PTPRC: variants seen among roughly 807,000 people sequenced by gnomAD.
The protein encoded by PTPRC is protein tyrosine phosphatase receptor type C, also known as receptor-type tyrosine-protein phosphatase C.
PTPRC carries 44 observed loss-of-function variants against 155.9 expected under a neutral mutation model. The ratio of observed to expected loss-of-function variants is 0.28; its 90% CI spans 0.22 to 0.36. PTPRC has a LOEUF of 0.36. Ranked by LOEUF, PTPRC falls within the 10% of genes least tolerant of loss-of-function variation. The pLI is 1.00. For synonymous variants in PTPRC, 525 were observed against 533.1 expected, an observed-to-expected ratio of 0.98 and a Z score of 0.21; for missense variants, 1,401 against 1,564.6, an observed-to-expected ratio of 0.90 and a Z score of 1.76.
chr1:198,679,690 A>C (rs1440209747), intron 2 of PTPRC: 3 of 341,978 alleles, frequency 8.8e-6, no homozygotes, highest in Non-Finnish European at 1.7e-5. Context: ...AGCCAGACAT[A>C]GCGGTGGAGA....
chr1:198,740,166 C>G (rs180790135), intron 23 of PTPRC, among the ~76,000 whole-genome samples: 2 of 151,012 alleles, frequency 1.3e-5, no homozygotes, highest in African/African-American at 4.9e-5. Flanking sequence ...ACTAGAAAAG[C>G]AAGAGCAAAC....
At chr1:198,741,097 GA>G (rs1312418305) in intron 23 of PTPRC, among the ~76,000 whole-genome samples, 1 of 151,862 alleles carries the variant, frequency 6.6e-6, no homozygotes, top group Non-Finnish European at 1.5e-5. Context: ...CCATAGATAT[GA>G]GGATATATTT....
In PTPRC at chr1:198,756,404, T is replaced by TA. The variant is rs1371184327; in HGVS notation, c.*229dup. ...TTTTAAAATTTTATCTCTTATTCAG[T>TA]AAAAAACAACTTCTTTGTAATCGTT... On this transcript the variant is annotated 3_prime_UTR_variant, in exon 33 of 33. Transcript: ENST00000442510. 5.1e-6 allele frequency: 3 copies of TA among 593,322 alleles called. No individual in the cohort carries two copies. Among genetic ancestry groups the TA allele is most frequent in the African/African-American group, 3.7e-5 (2 of 53,560 alleles). 36.8% of individuals were successfully genotyped at this position (593,322 alleles called of 1,614,324 possible). A position where few individuals can be genotyped will look rare whatever the true frequency, so the allele number is the denominator to read the frequency against.
chr1:198,719,443 A>G (rs1653770511), intron 14 of PTPRC, among the ~76,000 whole-genome samples: 1 of 152,194 alleles, frequency 6.6e-6, no homozygotes, highest in Non-Finnish European at 1.5e-5. Flanking sequence ...AGTTTTCTTC[A>G]CAGCACTTTG....
chr1:198,712,443 T>C (rs1314040454), intron 11 of PTPRC, among the ~76,000 whole-genome samples: 1 of 152,224 alleles, frequency 6.6e-6, no homozygotes, highest in Non-Finnish European at 1.5e-5. Flanking sequence ...TATACATTTG[T>C]TAAAAATGCA....
Position 198,703,566 on chromosome 1 carries a change from A to T in PTPRC, c.658+194A>T, listed in dbSNP as rs1356452057. ...GCAACAGCTGATGAGATCAGGATGTAATTGTTACTGTCATAATTCATCAGA... is the reference window on the plus strand; with the variant it reads ...GCAACAGCTGATGAGATCAGGATGTTATTGTTACTGTCATAATTCATCAGA... On this transcript the variant is annotated intron_variant, in intron 7 of 32. Transcript: ENST00000442510. The T allele has an allele frequency of 5.0e-6, 4 of 792,400 alleles. No homozygotes were observed. The East Asian group carries it at 8.1e-5, about 16-fold the overall frequency. The allele number at this position is 792,400 out of a possible 1,614,324, so 49.1% of individuals were successfully genotyped here. A position where few individuals can be genotyped will look rare whatever the true frequency, so the allele number is the denominator to read the frequency against.
intron 2 of PTPRC, among the ~76,000 whole-genome samples, chr1:198,659,965 T>A (rs917309251): frequency 3.5e-5 from 5 of 142,686 alleles, no homozygotes; most frequent in Admixed American, 7.1e-5. Context: ...TATATGGACA[T>A]ATATATCTAT....
At chr1:198,645,820 TAC>T (rs1662908203) in intron 2 of PTPRC, among the ~76,000 whole-genome samples, 1 of 151,860 alleles carries the variant, frequency 6.6e-6, no homozygotes, top group African/African-American at 2.4e-5. Context: ...CTCCAGATTC[TAC>T]AGTCTAAATA....
chr1:198,651,723 AATTT>A (rs1663263408), intron 2 of PTPRC, among the ~76,000 whole-genome samples: 1 of 151,840 alleles, frequency 6.6e-6, no homozygotes, highest in Non-Finnish European at 1.5e-5. Context: ...CAAATTTGTT[AATTT>A]GTGTTTCCTG....
Position 198,708,199 on chromosome 1 carries a change from A to G in PTPRC, c.971A>G (p.Lys324Arg). Residue 324 changes from lysine (K) to arginine (R), a missense_variant, in exon 10 of 33, where the codon AAA (lysine) becomes AGA (arginine). Coordinates refer to ENST00000442510, the MANE Select transcript of PTPRC (RefSeq NM_002838.5). ...VEKADTTICL[K>R]WKNIETFTCD... ...AAAGCAGATACTACTATTTGTTTAAAATGGAAAAATATTGAAACCTTTACT... is the reference window on the plus strand; with the variant it reads ...AAAGCAGATACTACTATTTGTTTAAGATGGAAAAATATTGAAACCTTTACT... The G allele has an allele frequency of 1.2e-6, 2 of 1,605,880 alleles. No homozygotes were observed. Among genetic ancestry groups the G allele is most frequent in the Non-Finnish European group, 1.7e-6 (2 of 1,173,128 alleles).
rs569963738 is a variant in PTPRC, at chr1:198,753,582, T to C, written c.3510-687T>C. 6.6e-5 allele frequency among the ~76,000 whole-genome samples: 10 copies of C among 152,132 alleles called. 1 individual carries two copies. The highest frequency in any genetic ancestry group is 3.4e-3 in the Middle Eastern group (1 of 294). ...AAGAAATATATGAATTTTCAGCATT[T>C]ATGTGGAAAGAAAGCTGAGGAAGGG... On this transcript the variant is annotated intron_variant, in intron 31 of 32. Coordinates refer to ENST00000442510, the MANE Select transcript of PTPRC (RefSeq NM_002838.5).
chr1:198,717,134 AT>A (rs1653631748), intron 13 of PTPRC, among the ~76,000 whole-genome samples: 1 of 152,248 alleles, frequency 6.6e-6, no homozygotes, highest in Non-Finnish European at 1.5e-5. Context: ...AGATTAAAAC[AT>A]TCACTGTTTG....
intron 2 of PTPRC, among the ~76,000 whole-genome samples, chr1:198,648,827 A>G (rs995866443): frequency 6.6e-5 from 10 of 151,904 alleles, no homozygotes; most frequent in Non-Finnish European, 1.3e-4. Context: ...GGTGAGTGAT[A>G]TGATGGAAAG....
chr1:198,665,215 G>A (rs1664218691), intron 2 of PTPRC, among the ~76,000 whole-genome samples: 1 of 149,024 alleles, frequency 6.7e-6, no homozygotes, highest in Non-Finnish European at 1.5e-5. Context: ...TCAGCCTCCC[G>A]AGTAGGGGGG....
At chr1:198,734,449 T>C in intron 22 of PTPRC, 24 bp downstream of exon 22, 1 of 1,601,192 alleles carries the variant, frequency 6.2e-7, no homozygotes, top group Non-Finnish European at 8.6e-7. Flanking sequence ...AGATTCATAG[T>C]GTGGGTCTTG....
At chr1:198,734,100 A>G (rs1275192962) in intron 20 of PTPRC, 96 bp from the exon 21 acceptor site, 1 of 1,160,734 alleles carries the variant, frequency 8.6e-7, no homozygotes, top group Non-Finnish European at 1.3e-6. Context: ...TCACAAAATG[A>G]TGGATCTGAA....
chr1:198,752,757 T>A lies in PTPRC; in HGVS notation c.3494T>A (p.Leu1165Gln). ...EGNKHHKSTP[L>Q]LIHCRDGSQQ... The stretch of plus-strand genomic sequence containing the variant: ...AACAAGCATCACAAGAGTACACCTC[T>A]ACTCATTCACTGCAGGTGCGTGGGA... The change falls in exon 31 of 33, where the codon CTA (leucine) becomes CAA (glutamine). Residue 1165 changes from leucine (L) to glutamine (Q), a missense_variant. By Grantham distance (113) the Leu-to-Gln change is moderately radical. Coordinates refer to ENST00000442510, the MANE Select transcript of PTPRC (RefSeq NM_002838.5). The A allele has an allele frequency of 6.2e-7, 1 of 1,612,684 alleles. No individual in the cohort carries two copies. Among genetic ancestry groups the A allele is most frequent in the Non-Finnish European group, 8.5e-7 (1 of 1,179,232 alleles).
intron 2 of PTPRC, among the ~76,000 whole-genome samples, chr1:198,651,290 G>T (rs1663231441): frequency 1.2e-5 from 1 of 82,164 alleles, no homozygotes; most frequent in Non-Finnish European, 2.6e-5. Flanking sequence ...AACAGATTGG[G>T]ATTGTGTGTG....
intron 2 of PTPRC, among the ~76,000 whole-genome samples, chr1:198,675,998 A>C (rs1047924233): frequency 6.6e-6 from 1 of 152,214 alleles, no homozygotes; most frequent in Non-Finnish European, 1.5e-5. Flanking sequence ...TGTTTGCATT[A>C]AGTTTAAAAC....
Sources: gnomAD v4.1 joint callset for allele counts (sites outside exome capture counted in the v4.1 genomes callset) on GRCh38, gnomAD v4.1.1 for gene constraint, MANE v1.5 for transcripts, NCBI Gene and HGNC (gene_info 2026-07-23, HGNC 2026-07-21) for gene names.